CSGALNACT1: variants seen among roughly 807,000 people sequenced by gnomAD.
The protein encoded by CSGALNACT1 is chondroitin sulfate N-acetylgalactosaminyltransferase 1, also known as beta4GalNAcT-1.
Under a neutral mutation model 51.0 loss-of-function variants are expected in CSGALNACT1, and 52 were observed. That is an observed-to-expected ratio of 1.02 (90% CI 0.82 to 1.29). CSGALNACT1 has a LOEUF of 1.29. Ranked by LOEUF, CSGALNACT1 falls within the 50% of genes most tolerant of loss-of-function variation. The pLI is 0.00. For synonymous variants in CSGALNACT1, 341 were observed against 254.4 expected, an observed-to-expected ratio of 1.34 and a Z score of -3.24; for missense variants, 935 against 679.2, an observed-to-expected ratio of 1.38 and a Z score of -4.19.
At chr8:19,505,057 G>C (rs747487652) in intron 4 of CSGALNACT1, 144 bp downstream of exon 3, 1 of 811,596 alleles carries the variant, frequency 1.2e-6, no homozygotes, top group Non-Finnish European at 2.1e-6. Flanking sequence ...AAGCCATGCC[G>C]TACCTTTTGG....
chr8:19,680,100 G>A (rs185100437), intron 1 of CSGALNACT1, among the ~76,000 whole-genome samples: 1 of 152,126 alleles, frequency 6.6e-6, no homozygotes, highest in South Asian at 2.1e-4. Context: ...TAATGTTATA[G>A]ATTTCTATGT....
chr8:19,621,588 G>A (rs1364362232), intron 1 of CSGALNACT1, among the ~76,000 whole-genome samples: 1 of 152,078 alleles, frequency 6.6e-6, no homozygotes, highest in East Asian at 1.9e-4. Context: ...ACCAGCCTGG[G>A]CAACGTGGCA....
intron 5 of CSGALNACT1, 40 bp downstream of exon 4, chr8:19,458,386 C>T (rs2064592091): frequency 6.8e-7 from 1 of 1,468,650 alleles, no homozygotes; most frequent in African/African-American, 1.4e-5. Context: ...TTCTAACACA[C>T]ATCATGCGGA....
At chr8:19,590,410 C>T (rs1293107023) in intron 3 of CSGALNACT1, among the ~76,000 whole-genome samples, 1 of 152,106 alleles carries the variant, frequency 6.6e-6, no homozygotes, top group African/African-American at 2.4e-5. Flanking sequence ...TGCACAACTG[C>T]CCTTTTAGTG....
At chr8:19,627,881 G>T (rs2054651785) in intron 1 of CSGALNACT1, among the ~76,000 whole-genome samples, 1 of 152,134 alleles carries the variant, frequency 6.6e-6, no homozygotes, top group Admixed American at 6.5e-5. Context: ...ACAGTCAGTA[G>T]TTCAGTTAAT....
intron 1 of CSGALNACT1, among the ~76,000 whole-genome samples, chr8:19,754,194 A>G (rs981374909): frequency 2.0e-5 from 3 of 152,028 alleles, no homozygotes; most frequent in Non-Finnish European, 4.4e-5. Flanking sequence ...TGCCCAGCTA[A>G]TTTTTGTATT....
upstream of CSGALNACT1, among the ~76,000 whole-genome samples, chr8:19,607,108 A>T (rs4636223): frequency 0.19 from 28,316 of 151,206 alleles, 3,872 homozygotes; most frequent in African/African-American, 0.39. Context: ...CGAGCTGAGA[A>T]CGCGCCACGG....
intron 1 of CSGALNACT1, among the ~76,000 whole-genome samples, chr8:19,614,472 C>T (rs924239148): frequency 3.3e-5 from 5 of 152,118 alleles, no homozygotes; most frequent in African/African-American, 1.2e-4. Flanking sequence ...TTCCTGTTTA[C>T]TGAGTTATCA....
intron 4 of CSGALNACT1, among the ~76,000 whole-genome samples, chr8:19,483,965 A>G (rs1182389636): frequency 6.6e-6 from 1 of 152,148 alleles, no homozygotes; most frequent in Non-Finnish European, 1.5e-5. Context: ...AAAATATTAA[A>G]TGGAAAATTC....
chr8:19,697,616 C>T (rs890099339), intron 1 of CSGALNACT1, among the ~76,000 whole-genome samples: 35 of 152,076 alleles, frequency 2.3e-4, no homozygotes, highest in African/African-American at 8.5e-4. Context: ...GAGTGAGTAG[C>T]CCAGAGCCCC....
intron 3 of CSGALNACT1, among the ~76,000 whole-genome samples, chr8:19,534,225 G>A (rs2083321210): frequency 6.6e-6 from 1 of 152,198 alleles, no homozygotes; most frequent in South Asian, 2.1e-4. Flanking sequence ...GCCAAGGCAT[G>A]TGGATCACTT....
chr8:19,465,894 C>T (rs1469763278), intron 4 of CSGALNACT1, among the ~76,000 whole-genome samples: 5 of 152,150 alleles, frequency 3.3e-5, no homozygotes, highest in South Asian at 2.1e-4. Context: ...TTTTCATATG[C>T]AGAAGAAGAT....
intron 3 of CSGALNACT1, among the ~76,000 whole-genome samples, chr8:19,577,342 G>A (rs1461149531): frequency 2.0e-5 from 3 of 150,884 alleles, no homozygotes; most frequent in Admixed American, 2.0e-4. Context: ...GCAGGGGGAC[G>A]GCTTGAGGCC....
In CSGALNACT1 at chr8:19,496,635, T is replaced by C. The variant is rs113715787; in HGVS notation, c.634+8566A>G. 5.1e-3 allele frequency among the ~76,000 whole-genome samples: 776 copies of C among 152,188 alleles called. 4 individuals are homozygous for C. The highest frequency in any genetic ancestry group is 0.018 in the African/African-American group (734 of 41,500). On this transcript the variant is annotated intron_variant, in intron 4 of 9. Coordinates refer to ENST00000454498, the Ensembl canonical transcript of CSGALNACT1. ...AATCCAAGACTTTTTTGGAACTTAG[T>C]AGAGAGGTGAAGTCACGGAGCAAAC...
intron 1 of CSGALNACT1, among the ~76,000 whole-genome samples, chr8:19,656,482 C>T (rs144865052): frequency 2.6e-3 from 400 of 151,866 alleles, no homozygotes; most frequent in Non-Finnish European, 3.4e-3. Flanking sequence ...CGATCTTGAC[C>T]TCAAAGAGGC....
chr8:19,485,759 CTTTTTTTTTT>C (rs386412239), intron 4 of CSGALNACT1, among the ~76,000 whole-genome samples: 13 of 38,520 alleles, frequency 3.4e-4, no homozygotes, highest in Non-Finnish European at 4.1e-4. Flanking sequence ...CCTCAGCTTG[CTTTTTTTTTT>C]TTTTTTTTTT....
At chr8:19,753,175 G>C (rs1040483145) in intron 1 of CSGALNACT1, among the ~76,000 whole-genome samples, 7 of 152,212 alleles carry the variant, frequency 4.6e-5, no homozygotes, top group African/African-American at 1.4e-4. Context: ...TTCTGGGGAA[G>C]CATTAGTCTG....
chr8:19,682,430 CAAATTTCACACCCAATAAAGG>C, intron 1 of CSGALNACT1: 1 of 298,486 alleles, frequency 3.4e-6, no homozygotes, highest in Non-Finnish European at 6.5e-6. Context: ...AAAGTTGCAG[CAAATTTCACACCCAATAAAGG>C]AAACTTCCCT....
chr8:19,720,681 C>T (rs988131961), intron 1 of CSGALNACT1, among the ~76,000 whole-genome samples: 8 of 152,174 alleles, frequency 5.3e-5, no homozygotes, highest in African/African-American at 1.7e-4. Context: ...ACCCTCCCTC[C>T]CCTCTACCTC....
Sources: allele counts gnomAD v4.1 joint callset (sites outside exome capture counted in the v4.1 genomes callset), GRCh38; gene constraint gnomAD v4.1.1; transcripts MANE v1.5; gene names NCBI Gene and HGNC (gene_info 2026-07-23, HGNC 2026-07-21).